The following DIP2C variants were observed in gnomAD, a reference collection of about 807,000 sequenced individuals.
DIP2C encodes the protein DIP2 acetate--CoA ligase C (putative).
A neutral mutation model predicts 192.4 loss-of-function variants in DIP2C; 33 were observed. That is an observed-to-expected ratio of 0.17 (90% CI 0.13 to 0.23). The LOEUF (loss-of-function observed/expected upper bound fraction) is 0.23, where lower values mean the gene tolerates loss of function less well. Ranked by LOEUF, DIP2C falls within the 10% of genes least tolerant of loss-of-function variation. The pLI, the probability that DIP2C is intolerant of heterozygous loss-of-function variation, is 1.00. For missense variants in DIP2C, 1,537 were observed against 2,110.1 expected (o/e 0.73, Z 5.32); for synonymous variants, 979 against 864.1 (o/e 1.13, Z -2.33).
intron 1 of DIP2C, among the ~76,000 whole-genome samples, chr10:611,134 C>T (rs1853072733): frequency 6.6e-6 from 1 of 152,134 alleles, no homozygotes; most frequent in Non-Finnish European, 1.5e-5. Flanking sequence ...AGCACAATCC[C>T]AAGTGCTGTC....
intron 17 of DIP2C, among the ~76,000 whole-genome samples, chr10:377,930 A>G (rs1961826106): frequency 2.0e-5 from 3 of 152,204 alleles, no homozygotes; most frequent in Non-Finnish European, 4.4e-5. Flanking sequence ...TTACAAAGCT[A>G]AAAATTATGT....
chr10:302,745 AT>A (rs1956111327), intron 32 of DIP2C, among the ~76,000 whole-genome samples: 1 of 152,242 alleles, frequency 6.6e-6, no homozygotes, highest in Admixed American at 6.5e-5. Context: ...ATATTTGTGT[AT>A]CTAAACATAG....
intron 8 of DIP2C, among the ~76,000 whole-genome samples, chr10:409,654 G>A (rs1352123833): frequency 2.0e-5 from 3 of 152,348 alleles, no homozygotes; most frequent in African/African-American, 7.2e-5. Flanking sequence ...TCCCGGTGAC[G>A]TCCCTCATCC....
intron 3 of DIP2C, 73 bp downstream of exon 3, chr10:472,364 CCA>C (rs1970700287): frequency 7.1e-7 from 1 of 1,412,388 alleles, no homozygotes; most frequent in Admixed American, 1.8e-5. Context: ...TCTGCCTCGC[CCA>C]GTGGCTGGGC....
At chr10:593,878 G>A (rs1471563921) in intron 1 of DIP2C, among the ~76,000 whole-genome samples, 1 of 152,174 alleles carries the variant, frequency 6.6e-6, no homozygotes, top group African/African-American at 2.4e-5. Flanking sequence ...GGACTCGAAT[G>A]TCTTCTGAAA....
chr10:603,383 TA>T (rs1186114014), intron 1 of DIP2C, among the ~76,000 whole-genome samples: 3 of 141,114 alleles, frequency 2.1e-5, no homozygotes, highest in African/African-American at 7.9e-5. Context: ...GCAGATTCTA[TA>T]CCCCAACCCT....
In DIP2C at chr10:399,115, G is replaced by C. The variant is rs139050014; in HGVS notation, c.1254C>G (p.Thr418=). The change falls in exon 10 of 37, where the codon ACC becomes ACG. Residue 418 remains threonine (T), a synonymous_variant. Coordinates refer to ENST00000280886, the MANE Select transcript of DIP2C (RefSeq NM_014974.3). ...CAAAGGGCGCATTCCTTACCTTCCT[G>C]GTGAGCGGCACCTCGATGGGCACGG... ...VVPVPIEVPL[T]RKDAGSQQIG... 1.2e-6 allele frequency: 2 copies of C among 1,613,350 alleles called. No homozygotes were observed. Among genetic ancestry groups the C allele is most frequent in the African/African-American group, 2.7e-5 (2 of 74,920 alleles).
chr10:278,720 A>G (rs1954656667), intron 36 of DIP2C, among the ~76,000 whole-genome samples: 1 of 152,240 alleles, frequency 6.6e-6, no homozygotes, highest in African/African-American at 2.4e-5. Flanking sequence ...TTTCAGCAGG[A>G]CAGGCACCAG....
chr10:290,113 TG>T (rs1219461859), intron 32 of DIP2C, among the ~76,000 whole-genome samples: 1 of 152,176 alleles, frequency 6.6e-6, no homozygotes, highest in Admixed American at 6.5e-5. Context: ...AGGGTGCCTG[TG>T]TGCATCAGCA....
intron 1 of DIP2C, among the ~76,000 whole-genome samples, chr10:554,748 C>G (rs1469944726): frequency 6.6e-6 from 1 of 152,232 alleles, no homozygotes; most frequent in Non-Finnish European, 1.5e-5. Context: ...GGGGAGCAAT[C>G]ACCGAGTTGC....
intron 7 of DIP2C, 45 bp from the exon 8 acceptor site, chr10:414,155 A>C (rs202063154): frequency 4.5e-6 from 7 of 1,558,794 alleles, no homozygotes; most frequent in Non-Finnish European, 5.2e-6. Flanking sequence ...ATGCATCCAC[A>C]TTAGCATGGC....
At position 483,844 on chromosome 10, in the gene DIP2C, T is replaced by A. The variant is rs532958340; in HGVS notation, c.157+2615A>T. On this transcript the variant is annotated intron_variant, in intron 2 of 36. Coordinates refer to ENST00000280886, the MANE Select transcript of DIP2C (RefSeq NM_014974.3). ...CCAATTTTTTTTTTTTGAGACAGGG[T>A]CTCGCTCTGTCCCCCAGGCTGGAAC... Among the ~76,000 whole-genome samples the A allele has an allele frequency of 6.6e-5, 10 of 151,852 alleles. 1 individual carries two copies. In the South Asian group the frequency reaches 1.9e-3, roughly 28 times the overall value.
At position 384,410 on chromosome 10, in the gene DIP2C, G is replaced by T. The variant is rs529560259; in HGVS notation, c.1756+136C>A. ...GCGCCATCAGGCCTGGCTAATTTTT[G>T]TATTATTAGTAGAAACGGGGTTTCT... On this transcript the variant is annotated intron_variant, in intron 15 of 36. Coordinates refer to ENST00000280886, the MANE Select transcript of DIP2C (RefSeq NM_014974.3). The T allele has an allele frequency of 5.5e-6, 5 of 905,798 alleles. No homozygotes were observed. In the Admixed American group the frequency reaches 1.1e-4, roughly 19 times the overall value. 56.1% of individuals were successfully genotyped at this position (905,798 alleles called of 1,614,324 possible). A position where few individuals can be genotyped will look rare whatever the true frequency, so the allele number is the denominator to read the frequency against.
chr10:312,714 G>A (rs562495410), intron 31 of DIP2C, among the ~76,000 whole-genome samples: 1 of 152,294 alleles, frequency 6.6e-6, no homozygotes, highest in African/African-American at 2.4e-5. Flanking sequence ...GTTTGAAAAA[G>A]AGAGGCAGAG....
intron 25 of DIP2C, 27 bp downstream of exon 25, chr10:349,304 C>A: frequency 6.3e-7 from 1 of 1,590,764 alleles, no homozygotes; most frequent in South Asian, 1.1e-5. Flanking sequence ...TGCCATCTCT[C>A]AGGGGAAGCC....
At chr10:474,203 T>C (rs1970874375) in intron 2 of DIP2C, among the ~76,000 whole-genome samples, 3 of 152,218 alleles carry the variant, frequency 2.0e-5, no homozygotes, top group Admixed American at 6.5e-5. Context: ...TTCATAAACA[T>C]GGACTTACCA....
rs549075484 is a variant in DIP2C, at chr10:580,409, TG to T, written c.86-93880del. On this transcript the variant is annotated intron_variant, in intron 1 of 36. Transcript: ENST00000280886. ...GTACACAAATGTGCAAATACCCATA[TG>T]GTGTATGTACACAGGTACATATATG... 4.4e-3 allele frequency among the ~76,000 whole-genome samples: 669 copies of T among 152,320 alleles called. 3 individuals are homozygous for T. The highest frequency in any genetic ancestry group is 0.015 in the African/African-American group (621 of 41,544).
rs1354499409 is a variant in DIP2C at position 479,844 on chromosome 10, G to A, written c.157+6615C>T. Among the ~76,000 whole-genome samples, 3 of 152,110 alleles carry A rather than the reference G, an allele frequency of 2.0e-5. No homozygotes were observed. In the East Asian group the frequency reaches 5.8e-4, roughly 29 times the overall value. ...GCTCCAGTCGACGCTCACTGGATGA[G>A]GGTTCTCATCCGGCAGCCTGAGAGC... On this transcript the variant is annotated intron_variant, in intron 2 of 36. Coordinates refer to ENST00000280886, the MANE Select transcript of DIP2C (RefSeq NM_014974.3).
At chr10:496,698 CCAAA>C (rs1351280314) in intron 1 of DIP2C, among the ~76,000 whole-genome samples, 3 of 151,974 alleles carry the variant, frequency 2.0e-5, no homozygotes, top group Admixed American at 1.3e-4. Flanking sequence ...TCGCAATACC[CCAAA>C]CAATGTGAGT....
Sources: allele counts gnomAD v4.1 joint callset (sites outside exome capture counted in the v4.1 genomes callset), GRCh38; gene constraint gnomAD v4.1.1; transcripts MANE v1.5; gene names NCBI Gene and HGNC (gene_info 2026-07-23, HGNC 2026-07-21).